Variants in MTOR observed in about 807,000 individuals in gnomAD.
MTOR encodes mechanistic target of rapamycin kinase, also known as serine/threonine-protein kinase mTOR.
MTOR carries 70 observed loss-of-function variants against 319.8 expected under a neutral mutation model. That is an observed-to-expected ratio of 0.22 (90% CI 0.18 to 0.27). MTOR has a LOEUF of 0.27. MTOR is among the 10% of genes least tolerant of loss of function. The pLI is 1.00. For missense variants in MTOR, 1,890 were observed against 3,274.4 expected (o/e 0.58, Z 10.32); for synonymous variants, 1,183 against 1,211.4 (o/e 0.98, Z 0.49).
At chr1:11,236,554 C>T (rs1647253534) in intron 13 of MTOR, among the ~76,000 whole-genome samples, 1 of 149,346 alleles carries the variant, frequency 6.7e-6, no homozygotes, top group South Asian at 2.1e-4. Flanking sequence ...TGTCGCCAGG[C>T]TGGAGTGCAG....
chr1:11,150,661 C>A (rs1212841052), intron 30 of MTOR, among the ~76,000 whole-genome samples: 1 of 152,168 alleles, frequency 6.6e-6, no homozygotes, highest in East Asian at 1.9e-4. Flanking sequence ...TGGTTTCAGT[C>A]TGAAATGAAA....
intron 34 of MTOR, among the ~76,000 whole-genome samples, chr1:11,140,347 A>T (rs1237398977): frequency 6.6e-6 from 1 of 152,004 alleles, no homozygotes; most frequent in Non-Finnish European, 1.5e-5. Context: ...GATGATCATC[A>T]GGCATTAGAT....
intron 11 of MTOR, 79 bp downstream of exon 11, chr1:11,240,224 A>T: frequency 2.0e-6 from 3 of 1,491,042 alleles, no homozygotes; most frequent in South Asian, 2.9e-5. Context: ...AAGATCCAGG[A>T]ATCCTAGATA....
chr1:11,248,076 C>T lies in MTOR; in HGVS notation c.859G>A (p.Glu287Lys). 6.2e-7 allele frequency: 1 copy of T among 1,608,396 alleles called. No homozygotes were observed. Among genetic ancestry groups the T allele is most frequent in the East Asian group, 2.2e-5 (1 of 44,726 alleles). The change falls in exon 7 of 58, where the codon GAA (glutamate) becomes AAA (lysine). Residue 287 changes from glutamate (E) to lysine (K), a missense_variant. Physicochemically the swap from Glu to Lys is moderately conservative, Grantham distance 56. Transcript: ENST00000361445. The stretch of plus-strand genomic sequence containing the variant: ...ACCAGCTGCTGCTGTGTGATTTCTT[C>T]CATTTCTTCTCTCAGACGCTATATA... ...MEGERLREEM[E>K]EITQQQLVHD... is the part of the protein sequence containing the mutation.
chr1:11,215,261 C>T (rs1646432694), intron 20 of MTOR, among the ~76,000 whole-genome samples: 2 of 152,182 alleles, frequency 1.3e-5, no homozygotes, highest in South Asian at 2.1e-4. Flanking sequence ...TAAGACTAGC[C>T]ATCGGCCTCT....
intron 1 of MTOR, among the ~76,000 whole-genome samples, chr1:11,261,936 T>C (rs1461981250): frequency 6.6e-6 from 1 of 151,956 alleles, no homozygotes; most frequent in Non-Finnish European, 1.5e-5. Context: ...ATCCTAATGG[T>C]GTTGATAGGG....
chr1:11,233,605 C>T (rs1647096118), intron 14 of MTOR, 118 bp from the exon 15 acceptor site: 1 of 731,914 alleles, frequency 1.4e-6, no homozygotes, highest in African/African-American at 1.8e-5. Context: ...TCCTTCTAGG[C>T]TTTATGAATC....
chr1:11,150,406 G>A (rs1238879786), intron 30 of MTOR, among the ~76,000 whole-genome samples, 180 bp from the exon 31 acceptor site: 2 of 152,204 alleles, frequency 1.3e-5, no homozygotes, highest in Non-Finnish European at 1.5e-5. Flanking sequence ...TCTATGACCC[G>A]GTGCTCGTAA....
At chr1:11,158,991 C>T (rs906583396) in intron 29 of MTOR, among the ~76,000 whole-genome samples, 1 of 152,164 alleles carries the variant, frequency 6.6e-6, no homozygotes, top group African/African-American at 2.4e-5. Flanking sequence ...CTAAATATAA[C>T]AGAAAATCCA....
chr1:11,194,610 G>A, intron 28 of MTOR: 1 of 1,614,164 alleles, frequency 6.2e-7, no homozygotes, highest in Non-Finnish European at 8.5e-7. Context: ...TCAGCACCAA[G>A]GACAAGGACA....
chr1:11,189,003 T>TCA (rs1645413750), intron 28 of MTOR, among the ~76,000 whole-genome samples: 1 of 152,246 alleles, frequency 6.6e-6, no homozygotes, highest in South Asian at 2.1e-4. Context: ...TACCTTACGC[T>TCA]CACCCCATGG....
intron 29 of MTOR, 29 bp downstream of exon 29, chr1:11,167,413 T>C (rs747729246): frequency 2.0e-5 from 32 of 1,597,274 alleles, no homozygotes; most frequent in African/African-American, 6.7e-5. Flanking sequence ...CTCTACCTCC[T>C]GCTTTTCCAA....
At chr1:11,138,544 T>A (rs1284415107) in intron 36 of MTOR, among the ~76,000 whole-genome samples, 1 of 152,214 alleles carries the variant, frequency 6.6e-6, no homozygotes, top group Non-Finnish European at 1.5e-5. Context: ...TTCTATTTTA[T>A]GAGATCTTCC....
At chr1:11,176,563 A>G (rs981131734) in intron 28 of MTOR, among the ~76,000 whole-genome samples, 2 of 152,084 alleles carry the variant, frequency 1.3e-5, no homozygotes, top group African/African-American at 4.8e-5. Context: ...GTTCCCTGTC[A>G]AGTGAGAATT....
chr1:11,156,176 G>T (rs995571372), intron 30 of MTOR, among the ~76,000 whole-genome samples: 5 of 152,068 alleles, frequency 3.3e-5, no homozygotes, highest in Admixed American at 6.6e-5. Context: ...TTTTAGTGGA[G>T]ACGAGGTTTC....
At chr1:11,195,937 T>C (rs1320508810) in intron 28 of MTOR, 1 of 152,250 alleles carries the variant, frequency 6.6e-6, no homozygotes, top group Non-Finnish European at 1.5e-5. Context: ...GTTTTAAACA[T>C]TCAACGTTTC....
chr1:11,143,719 C>T (rs959261052), intron 34 of MTOR, among the ~76,000 whole-genome samples: 3 of 151,840 alleles, frequency 2.0e-5, no homozygotes, highest in Admixed American at 1.3e-4. Flanking sequence ...GCACAAACTT[C>T]GATTGGTCTG....
In MTOR at chr1:11,122,099, T is replaced by C. The variant is rs1570927898; in HGVS notation, c.6690A>G (p.Leu2230=). The change falls in exon 48 of 58, where the codon TTA becomes TTG. Residue 2230 remains leucine, a synonymous_variant. Coordinates refer to ENST00000361445, the MANE Select transcript of MTOR (RefSeq NM_004958.4). ...LSIQRYAVIP[L]STNSGLIGWV... is the part of the protein sequence containing the mutation. ...AGCCAATGAGGCCCGAGTTGGTCGA[T>C]AAAGGGATGACAGCGTATCTCTGGA... 2 of 1,614,092 alleles carry C rather than the reference T, an allele frequency of 1.2e-6. No homozygotes were observed. Among genetic ancestry groups the C allele is most frequent in the Admixed American group, 3.3e-5 (2 of 60,006 alleles).
At chr1:11,180,101 T>C (rs1276303113) in intron 28 of MTOR, among the ~76,000 whole-genome samples, 1 of 152,070 alleles carries the variant, frequency 6.6e-6, no homozygotes. Context: ...GACAAGGTCT[T>C]GCTATGTTAC....
Sources: allele counts gnomAD v4.1 joint callset (sites outside exome capture counted in the v4.1 genomes callset), GRCh38; gene constraint gnomAD v4.1.1; transcripts MANE v1.5; gene names NCBI Gene and HGNC (gene_info 2026-07-23, HGNC 2026-07-21).